CCDC57: variants seen among roughly 807,000 people sequenced by gnomAD.
CCDC57 encodes the protein coiled-coil domain containing 57.
CCDC57 carries 118 observed loss-of-function variants against 118.9 expected under a neutral mutation model. That is an observed-to-expected ratio of 0.99 (90% confidence interval 0.86 to 1.16). The LOEUF (loss-of-function observed/expected upper bound fraction) is 1.16. CCDC57 is among the 50% of genes most tolerant of loss of function. The pLI is 0.00. For synonymous variants in CCDC57, 527 were observed against 532.9 expected (o/e 0.99, Z 0.15); for missense variants, 1,300 against 1,320.7 (o/e 0.98, Z 0.24).
intron 19 of CCDC57, among the ~76,000 whole-genome samples, chr17:82,104,106 C>T (rs1026269895): frequency 1.3e-5 from 2 of 152,206 alleles, no homozygotes; most frequent in African/African-American, 2.4e-5. Context: ...GATTCTTCTA[C>T]CTGATGCTAA....
At chr17:82,107,529 C>G (rs1186865814) in intron 19 of CCDC57, 1 of 470,826 alleles carries the variant, frequency 2.1e-6, no homozygotes, top group African/African-American at 2.0e-5. Flanking sequence ...GGAAGAGGCC[C>G]CCAGGTAGGT....
At chr17:82,178,854 C>T (rs566404418) in intron 10 of CCDC57, among the ~76,000 whole-genome samples, 173 bp downstream of exon 9, 4 of 152,334 alleles carry the variant, frequency 2.6e-5, no homozygotes, top group African/African-American at 7.2e-5. Context: ...AAAGTCAAGG[C>T]GGGTGGACAG....
intron 9 of CCDC57, among the ~76,000 whole-genome samples, chr17:82,182,408 C>T (rs2046321398): frequency 6.6e-6 from 1 of 151,416 alleles, no homozygotes; most frequent in South Asian, 2.1e-4. Flanking sequence ...GGCTGAAGTG[C>T]AGTAGCACCA....
chr17:82,183,048 G>A (rs1187851505), intron 9 of CCDC57, among the ~76,000 whole-genome samples: 3 of 152,110 alleles, frequency 2.0e-5, no homozygotes, highest in Non-Finnish European at 4.4e-5. Flanking sequence ...CGGGGAAACC[G>A]CCCCCATGAG....
Position 82,174,771 on chromosome 17 carries a change from C to T in CCDC57, c.1507-1911G>A, listed in dbSNP as rs888792550. Among the ~76,000 whole-genome samples, 10 of 152,360 alleles carry T rather than the reference C, an allele frequency of 6.6e-5. No homozygotes were observed. The South Asian group carries it at 1.0e-3, about 16-fold the overall frequency. On this transcript the variant is annotated intron_variant, in intron 11 of 19. Coordinates refer to ENST00000665763, the Ensembl canonical transcript of CCDC57. The stretch of plus-strand genomic sequence containing the variant: ...ACCATTTGTCTTTTAAATTGTTTAT[C>T]GCTCTGTAACCATTTGCTTCTTTTG...
At position 82,201,738 on chromosome 17, in the gene CCDC57, G is replaced by T. The variant is rs140436333; in HGVS notation, c.207C>A (p.Leu69=). The T allele has an allele frequency of 4.1e-5, 66 of 1,613,944 alleles. No individual in the cohort carries two copies. In the African/African-American group the frequency reaches 6.8e-4, roughly 17 times the overall value. ...AGGCGGCGTCATAGCGCTCCAGCTCGAGGTCCCGCTCCTCCAGCACCTGAA... is the reference window on the plus strand; with the variant it reads ...AGGCGGCGTCATAGCGCTCCAGCTCTAGGTCCCGCTCCTCCAGCACCTGAA... The change falls in exon 3 of 20, where the codon CTC becomes CTA. Residue 69 remains leucine (L), a synonymous_variant. Transcript: ENST00000665763.
At chr17:82,169,031 C>G (rs1355569000) in intron 13 of CCDC57, among the ~76,000 whole-genome samples, 1 of 152,160 alleles carries the variant, frequency 6.6e-6, no homozygotes, top group Non-Finnish European at 1.5e-5. Flanking sequence ...CAGCTATTAT[C>G]AACATCATAC....
chr17:82,146,215 G>C (rs936988052), intron 16 of CCDC57, among the ~76,000 whole-genome samples: 2 of 152,164 alleles, frequency 1.3e-5, no homozygotes, highest in Non-Finnish European at 2.9e-5. Context: ...GTCCCACGTT[G>C]AATAATGATG....
chr17:82,101,876 A>G lies in CCDC57; in HGVS notation c.2900-10T>C. 1 of 1,558,908 alleles carries G rather than the reference A, an allele frequency of 6.4e-7. No homozygotes were observed. Among genetic ancestry groups the G allele is most frequent in the Non-Finnish European group, 8.7e-7 (1 of 1,153,892 alleles). On this transcript the variant is annotated splice_polypyrimidine_tract_variant and intron_variant, in intron 19 of 19. Transcript: ENST00000665763. The stretch of plus-strand genomic sequence containing the variant: ...GGAGGAGCTGGGAGCTCTGTCAGGT[A>G]AAGAGGAAAAAACAGCATGCATCAG...
chr17:82,115,708 G>A (rs1480033060), intron 19 of CCDC57, among the ~76,000 whole-genome samples: 1 of 151,842 alleles, frequency 6.6e-6, no homozygotes, highest in Non-Finnish European at 1.5e-5. Context: ...CTGGGAGGTG[G>A]AGTGAGCTGA....
intron 19 of CCDC57, chr17:82,113,646 A>G: frequency 1.4e-6 from 1 of 717,332 alleles, no homozygotes; most frequent in Non-Finnish European, 2.6e-6. Context: ...GCTCCACTCC[A>G]CGCCAGGCTG....
intron 13 of CCDC57, among the ~76,000 whole-genome samples, chr17:82,163,658 ACTTG>A (rs763925757): frequency 6.6e-6 from 1 of 152,148 alleles, no homozygotes; most frequent in Non-Finnish European, 1.5e-5. Flanking sequence ...GTAAAGAGCC[ACTTG>A]CTTGGAAATG....
At chr17:82,125,078 G>A (rs960314627) in intron 19 of CCDC57, among the ~76,000 whole-genome samples, 2 of 152,176 alleles carry the variant, frequency 1.3e-5, no homozygotes, top group African/African-American at 4.8e-5. Flanking sequence ...AGAGAAACGC[G>A]CCACATTCGT....
intron 19 of CCDC57, among the ~76,000 whole-genome samples, chr17:82,125,434 G>A (rs1188126325): frequency 2.0e-5 from 3 of 151,364 alleles, no homozygotes; most frequent in African/African-American, 7.3e-5. Context: ...GGAGTGCAGT[G>A]GTACAATCTC....
At chr17:82,163,071 A>G (rs1247425831) in intron 14 of CCDC57, 129 bp downstream of exon 13, 2 of 1,147,994 alleles carry the variant, frequency 1.7e-6, no homozygotes, top group East Asian at 2.4e-5. Context: ...TCAGAAAAAA[A>G]CAGGCAGAGA....
chr17:82,182,348 G>A (rs901047761), intron 9 of CCDC57, among the ~76,000 whole-genome samples: 2 of 150,398 alleles, frequency 1.3e-5, no homozygotes, highest in African/African-American at 4.9e-5. Flanking sequence ...TTTCAGCATT[G>A]GTACTTTTCC....
chr17:82,115,239 A>G (rs2035710156), intron 19 of CCDC57, among the ~76,000 whole-genome samples: 1 of 138,260 alleles, frequency 7.2e-6, no homozygotes, highest in Non-Finnish European at 1.5e-5. Context: ...TCTCCAGCGG[A>G]GGCTCCACCA....
chr17:82,144,350 A>G (rs2040428522), intron 16 of CCDC57, among the ~76,000 whole-genome samples: 1 of 152,182 alleles, frequency 6.6e-6, no homozygotes, highest in East Asian at 1.9e-4. Flanking sequence ...CATACAGAAA[A>G]TTCTATTTCC....
chr17:82,140,218 T>C (rs2039835391), intron 16 of CCDC57, among the ~76,000 whole-genome samples: 1 of 152,158 alleles, frequency 6.6e-6, no homozygotes, highest in Admixed American at 6.5e-5. Context: ...CCCGAGTAGC[T>C]GGGACTACAG....
Sources: gnomAD v4.1 joint callset for allele counts (sites outside exome capture counted in the v4.1 genomes callset) on GRCh38, gnomAD v4.1.1 for gene constraint, MANE v1.5 for transcripts, NCBI Gene and HGNC (gene_info 2026-07-23, HGNC 2026-07-21) for gene names.